Variants in TCF4 observed in about 807,000 individuals in gnomAD.
TCF4 encodes the protein transcription factor 4.
In TCF4, 3 loss-of-function variants were observed where a neutral mutation model predicts 82.1. The ratio of observed to expected loss-of-function variants is 0.04; its 90% CI spans 0.02 to 0.09. The LOEUF (loss-of-function observed/expected upper bound fraction) is 0.09, where lower values mean the gene tolerates loss of function less well. Among genes scored for constraint, TCF4 ranks in the 10% least tolerant of loss-of-function variants. TCF4 has a pLI of 1.00. For missense variants in TCF4, 518 were observed against 852.7 expected, an observed-to-expected ratio of 0.61 and a Z score of 4.89; for synonymous variants, 276 against 309.6, an observed-to-expected ratio of 0.89 and a Z score of 1.14.
At chr18:55,252,076 T>G (rs183545415) in intron 15 of TCF4, among the ~76,000 whole-genome samples, 1 of 152,266 alleles carries the variant, frequency 6.6e-6, no homozygotes, top group African/African-American at 2.4e-5. Context: ...CATACCAGTT[T>G]GCACGGGAAA....
intron 2 of TCF4, among the ~76,000 whole-genome samples, chr18:55,619,621 T>C (rs1329940267): frequency 2.0e-5 from 3 of 152,210 alleles, no homozygotes; most frequent in African/African-American, 7.2e-5. Flanking sequence ...AAATGGGATA[T>C]AGTTTTAAAA....
intron 8 of TCF4, chr18:55,302,556 C>T: frequency 2.0e-6 from 3 of 1,535,250 alleles, no homozygotes; most frequent in Non-Finnish European, 2.6e-6. Context: ...ACACAAGGAG[C>T]AAGCAGGACC....
intron 8 of TCF4, among the ~76,000 whole-genome samples, chr18:55,338,219 A>T (rs987647474): frequency 6.6e-6 from 1 of 152,198 alleles, no homozygotes; most frequent in East Asian, 1.9e-4. Context: ...GACGACAAGC[A>T]GTCTGTTTTG....
chr18:55,361,920 T>G (rs931038340), intron 6 of TCF4, among the ~76,000 whole-genome samples: 4 of 152,166 alleles, frequency 2.6e-5, no homozygotes, highest in African/African-American at 4.8e-5. Flanking sequence ...AACTGAAGTA[T>G]CCACCCGAGA....
chr18:55,384,156 T>C (rs1211532023), intron 6 of TCF4: 4 of 152,142 alleles, frequency 2.6e-5, no homozygotes, highest in African/African-American at 7.2e-5. Context: ...AGTCTGAGGG[T>C]TGGCAGGCAG....
At chr18:55,281,691 C>CTAA (rs1250490380) in intron 8 of TCF4, among the ~76,000 whole-genome samples, 2 of 151,214 alleles carry the variant, frequency 1.3e-5, no homozygotes, top group Non-Finnish European at 3.0e-5. Flanking sequence ...TTGATGACAC[C>CTAA]TAATAAGGTT....
rs769678336 is a variant in TCF4 at position 55,228,291 on chromosome 18, G to C, written c.1950C>G (p.Pro650=). The change falls in exon 19 of 20, where the codon CCC becomes CCG. Residue 650 remains proline (P), a synonymous_variant. Transcript: ENST00000354452. The part of the protein sequence containing the change: ...REEEKVSSEP[P]PLSLAGPHPG... The stretch of plus-strand genomic sequence containing the variant: ...GGTGTGGGCCGGCCAAGGAGAGAGG[G>C]GGAGGCTCTGAGGACACCTTCTCTT... 6.2e-7 allele frequency: 1 copy of C among 1,614,086 alleles called. No homozygotes were observed. Among genetic ancestry groups the C allele is most frequent in the Non-Finnish European group, 8.5e-7 (1 of 1,179,998 alleles).
intron 3 of TCF4, among the ~76,000 whole-genome samples, chr18:55,568,002 A>G (rs1375078427): frequency 1.3e-5 from 2 of 152,160 alleles, no homozygotes; most frequent in African/African-American, 4.8e-5. Flanking sequence ...AGAAGAAATC[A>G]TACTGTAAAT....
chr18:55,224,856 G>C lies in TCF4; in HGVS notation c.*3179C>G, dbSNP rs752712829. The C allele has an allele frequency of 6.6e-5, 10 of 152,544 alleles. No homozygotes were observed. Among genetic ancestry groups the C allele is most frequent in the Non-Finnish European group, 1.0e-4 (7 of 68,020 alleles). The allele number at this position is 152,544 out of a possible 1,614,324, so 9.4% of individuals were successfully genotyped here. A position where few individuals can be genotyped will look rare whatever the true frequency, so the allele number is the denominator to read the frequency against. On this transcript the variant is annotated 3_prime_UTR_variant, in exon 20 of 20. Coordinates refer to ENST00000354452, the MANE Select transcript of TCF4 (RefSeq NM_001083962.2). ...TGTGGAGGTGGATCAACTGCTCCAAGTTGCTTTTAAAGTCCGAGTTTCTGA... is the reference window on the plus strand; with the variant it reads ...TGTGGAGGTGGATCAACTGCTCCAACTTGCTTTTAAAGTCCGAGTTTCTGA...
intron 3 of TCF4, chr18:55,469,727 A>G (rs1238831308): frequency 1.3e-5 from 2 of 152,198 alleles, no homozygotes; most frequent in Admixed American, 1.3e-4. Flanking sequence ...AAAGAGCTGG[A>G]TTTCAGCAGG....
At chr18:55,623,007 T>A (rs1303340022) in intron 2 of TCF4, among the ~76,000 whole-genome samples, 2 of 152,066 alleles carry the variant, frequency 1.3e-5, no homozygotes, top group Non-Finnish European at 2.9e-5. Context: ...AGACAAGAGA[T>A]TCCCAAGTCC....
chr18:55,389,460 G>T (rs1247159139), intron 6 of TCF4, among the ~76,000 whole-genome samples: 1 of 152,156 alleles, frequency 6.6e-6, no homozygotes, highest in Non-Finnish European at 1.5e-5. Flanking sequence ...AGCTCGCTCT[G>T]CCCTGGTTAT....
chr18:55,507,885 G>C (rs1306136869), intron 3 of TCF4, among the ~76,000 whole-genome samples: 1 of 152,140 alleles, frequency 6.6e-6, no homozygotes, highest in East Asian at 1.9e-4. Flanking sequence ...TCTCTAGGCT[G>C]AAATAGCCTT....
At chr18:55,247,445 G>A (rs544843125) in intron 15 of TCF4, among the ~76,000 whole-genome samples, 21 of 152,306 alleles carry the variant, frequency 1.4e-4, no homozygotes, top group African/African-American at 4.6e-4. Context: ...GGAGATAGGT[G>A]GCTTATGGAT....
chr18:55,611,403 T>G (rs1161000278), intron 2 of TCF4, among the ~76,000 whole-genome samples: 1 of 152,194 alleles, frequency 6.6e-6, no homozygotes, highest in Non-Finnish European at 1.5e-5. Context: ...AATCACCATC[T>G]GCTACCCTGC....
At chr18:55,299,381 C>T (rs2067424546) in intron 8 of TCF4, among the ~76,000 whole-genome samples, 1 of 151,142 alleles carries the variant, frequency 6.6e-6, no homozygotes, top group African/African-American at 2.4e-5. Context: ...CATTGCACTC[C>T]AACCTGGGCA....
intron 3 of TCF4, among the ~76,000 whole-genome samples, chr18:55,512,707 A>C (rs926528205): frequency 2.0e-5 from 3 of 152,246 alleles, no homozygotes; most frequent in East Asian, 1.9e-4. Context: ...AATGCTGGTA[A>C]ATATTGAAAC....
At chr18:55,370,822 G>GT (rs2088908270) in intron 6 of TCF4, among the ~76,000 whole-genome samples, 1 of 152,236 alleles carries the variant, frequency 6.6e-6, no homozygotes, top group South Asian at 2.1e-4. Flanking sequence ...CTAAGAGCCA[G>GT]TTAGTAAGTA....
chr18:55,331,737 C>T (rs1180265383), intron 8 of TCF4, among the ~76,000 whole-genome samples: 1 of 152,142 alleles, frequency 6.6e-6, no homozygotes, highest in Non-Finnish European at 1.5e-5. Context: ...GACCTGTTCC[C>T]CTAGTTTCCA....
Sources: allele counts gnomAD v4.1 joint callset (sites outside exome capture counted in the v4.1 genomes callset), GRCh38; gene constraint gnomAD v4.1.1; transcripts MANE v1.5; gene names NCBI Gene and HGNC (gene_info 2026-07-23, HGNC 2026-07-21).